The following RPF2 variants were observed in gnomAD, a reference collection of about 807,000 sequenced individuals.
RPF2 encodes the protein brix domain containing 1.
A neutral mutation model predicts 38.9 loss-of-function variants in RPF2; 21 were observed. That is an observed-to-expected ratio of 0.54 (90% CI 0.38 to 0.78). The LOEUF is 0.78. Ranked by LOEUF, RPF2 falls within the 30% of genes least tolerant of loss-of-function variation. RPF2 has a pLI of 0.00. For synonymous variants in RPF2, 121 were observed against 126.2 expected, an observed-to-expected ratio of 0.96 and a Z score of 0.28; for missense variants, 314 against 358.1, an observed-to-expected ratio of 0.88 and a Z score of 0.99.
chr6:110,997,899 C>CTTT, intron 5 of RPF2, among the ~76,000 whole-genome samples: 1 of 141,640 alleles, frequency 7.1e-6, no homozygotes, highest in Admixed American at 7.1e-5. Flanking sequence ...TTCTTTTCTT[C>CTTT]TTTTTTTTTT....
At chr6:111,011,554 GC>G (rs958200245) in intron 7 of RPF2, among the ~76,000 whole-genome samples, 21 of 152,036 alleles carry the variant, frequency 1.4e-4, no homozygotes, top group Non-Finnish European at 2.1e-4. Context: ...TCCCAAAAGT[GC>G]TGAGATTATA....
intron 2 of RPF2, among the ~76,000 whole-genome samples, chr6:110,987,310 C>T (rs947269288): frequency 1.3e-5 from 2 of 152,020 alleles, no homozygotes; most frequent in East Asian, 1.9e-4. Context: ...CTGTCCGCCT[C>T]GGCCTCCCAA....
At chr6:110,990,947 A>G (rs1440240683) in intron 3 of RPF2, among the ~76,000 whole-genome samples, 2 of 152,076 alleles carry the variant, frequency 1.3e-5, no homozygotes, top group African/African-American at 4.8e-5. Flanking sequence ...ACTTTCTAAC[A>G]TCACAAAATT....
Position 110,999,736 on chromosome 6 carries a change from G to A in RPF2, c.342G>A (p.Leu114=), listed in dbSNP as rs761684066. 1.2e-6 allele frequency: 2 copies of A among 1,603,696 alleles called. No homozygotes were observed. Among genetic ancestry groups the A allele is most frequent in the Non-Finnish European group, 1.7e-6 (2 of 1,170,668 alleles). Residue 114 remains leucine (L), a synonymous_variant, in exon 6 of 10, where the codon CTG becomes CTA. Transcript: ENST00000441448. ...VIGRMYDYHV[L]DMIELGIENF... Reference sequence around the variant, plus strand: ...GTCGTATGTATGACTACCATGTGCTGGATATGATTGAATTAGGTATTGAGA... The same window carrying A: ...GTCGTATGTATGACTACCATGTGCTAGATATGATTGAATTAGGTATTGAGA...
At chr6:110,985,328 T>G (rs1382827661) in intron 2 of RPF2, among the ~76,000 whole-genome samples, 190 bp downstream of exon 2, 1 of 152,200 alleles carries the variant, frequency 6.6e-6, no homozygotes, top group African/African-American at 2.4e-5. Flanking sequence ...ACTAGTTCTC[T>G]TAGTAAATTT....
chr6:110,986,859 G>A (rs888406901), intron 2 of RPF2, among the ~76,000 whole-genome samples: 14 of 151,518 alleles, frequency 9.2e-5, no homozygotes, highest in African/African-American at 3.4e-4. Context: ...GGCTGAGGCC[G>A]GAAAATCTGC....
intron 6 of RPF2, among the ~76,000 whole-genome samples, chr6:111,002,241 C>G (rs1014787321): frequency 2.0e-5 from 3 of 152,208 alleles, no homozygotes; most frequent in Middle Eastern, 3.2e-3. Context: ...GATCATGCCA[C>G]TGCACTCCAG....
At chr6:110,995,967 TC>T (rs1771704396) in intron 4 of RPF2, among the ~76,000 whole-genome samples, 1 of 151,724 alleles carries the variant, frequency 6.6e-6, no homozygotes, top group Non-Finnish European at 1.5e-5. Flanking sequence ...TAGATGCTCA[TC>T]ACCATACCCA....
At chr6:110,986,768 A>G (rs1771532351) in intron 2 of RPF2, among the ~76,000 whole-genome samples, 1 of 152,042 alleles carries the variant, frequency 6.6e-6, no homozygotes, top group African/African-American at 2.4e-5. Context: ...CCTGGCTAAC[A>G]CGGTGAAATC....
intron 3 of RPF2, among the ~76,000 whole-genome samples, chr6:110,989,357 A>G (rs960098710): frequency 1.3e-5 from 2 of 152,236 alleles, no homozygotes; most frequent in African/African-American, 4.8e-5. Flanking sequence ...CTAATGTTAC[A>G]TCTTGCATAA....
chr6:110,997,218 C>T lies in RPF2; in HGVS notation c.270C>T (p.Phe90=). The T allele has an allele frequency of 1.2e-6, 2 of 1,601,758 alleles. No individual in the cohort carries two copies. The highest frequency in any genetic ancestry group is 8.5e-7 in the Non-Finnish European group (1 of 1,170,300). ...CAAAGAAGTCAGATTGTTCTTTATT[C>T]ATGTTTGGCTCCCATAATAAGAAGC... ...FFSKKSDCSL[F]MFGSHNKKRP... Residue 90 remains phenylalanine (F), a synonymous_variant, in exon 5 of 10, where the codon TTC becomes TTT. Coordinates refer to ENST00000441448, the MANE Select transcript of RPF2 (RefSeq NM_032194.3).
rs1041742639 is a variant in RPF2 at position 110,982,135 on chromosome 6, T to C, written c.23+6T>C. ...GACACTCTGGATCGAGTAGTGTAAG[T>C]GCGCTGGGTCTCAGCCCCGGGGAGC... On this transcript the variant is annotated splice_donor_region_variant and intron_variant, in intron 1 of 9. Transcript: ENST00000441448. 1.2e-6 allele frequency: 2 copies of C among 1,614,064 alleles called. No homozygotes were observed. The highest frequency in any genetic ancestry group is 2.7e-5 in the African/African-American group (2 of 74,944).
At chr6:111,017,563 A>G (rs1204394983) in intron 8 of RPF2, among the ~76,000 whole-genome samples, 1 of 141,380 alleles carries the variant, frequency 7.1e-6, no homozygotes, top group African/African-American at 2.8e-5. Flanking sequence ...GACGCTCCTC[A>G]CCTCCCAGAT....
intron 6 of RPF2, among the ~76,000 whole-genome samples, chr6:111,003,234 T>C (rs1297649215): frequency 6.6e-6 from 1 of 152,178 alleles, no homozygotes; most frequent in Non-Finnish European, 1.5e-5. Context: ...GTGCTAGATA[T>C]TTCTTACCTC....
chr6:111,025,649 T>A lies in RPF2; in HGVS notation c.*67T>A. 1 of 1,151,754 alleles carries A rather than the reference T, an allele frequency of 8.7e-7. No homozygotes were observed. The highest frequency in any genetic ancestry group is 1.6e-5 in the South Asian group (1 of 62,454). 71.3% of individuals were successfully genotyped at this position (1,151,754 alleles called of 1,614,324 possible). A position where few individuals can be genotyped will look rare whatever the true frequency, so the allele number is the denominator to read the frequency against. Reference sequence around the variant, plus strand: ...AAGAGAATTATCAAGCGTCAATCCATTCAGAGTTTCTTATAAGATCTTATT... The same window carrying A: ...AAGAGAATTATCAAGCGTCAATCCAATCAGAGTTTCTTATAAGATCTTATT... On this transcript the variant is annotated 3_prime_UTR_variant, in exon 10 of 10. Transcript: ENST00000441448.
rs1176082413 is a variant in RPF2, at chr6:110,982,269, T to A, written c.23+140T>A. The A allele has an allele frequency of 6.4e-6, 6 of 932,518 alleles. No individual in the cohort carries two copies. In the African/African-American group the frequency reaches 6.5e-5, roughly 10 times the overall value. The allele number at this position is 932,518 out of a possible 1,614,324, so 57.8% of individuals were successfully genotyped here. On this transcript the variant is annotated intron_variant, in intron 1 of 9. Coordinates refer to ENST00000441448, the MANE Select transcript of RPF2 (RefSeq NM_032194.3). The stretch of plus-strand genomic sequence containing the variant: ...GGGGCCGATCGATCACCAGCCCGGG[T>A]CCTCCTCAGCGCGAGCTGCTTGCCA...
intron 8 of RPF2, among the ~76,000 whole-genome samples, chr6:111,022,164 G>T (rs1362318387): frequency 2.6e-5 from 4 of 152,176 alleles, no homozygotes; most frequent in African/African-American, 9.7e-5. Context: ...GCAAAACAAA[G>T]TGGTAGCATA....
intron 7 of RPF2, among the ~76,000 whole-genome samples, chr6:111,009,485 G>A (rs970521197): frequency 5.3e-5 from 8 of 151,852 alleles, no homozygotes; most frequent in African/African-American, 1.9e-4. Context: ...GAGCCACTGC[G>A]ACAGGCCCTG....
chr6:111,014,561 C>A (rs1291112684), intron 7 of RPF2, among the ~76,000 whole-genome samples: 1 of 152,212 alleles, frequency 6.6e-6, no homozygotes, highest in Non-Finnish European at 1.5e-5. Flanking sequence ...TAGGTGGCTA[C>A]AGAATGGGAC....
Sources: gnomAD v4.1 joint callset for allele counts (sites outside exome capture counted in the v4.1 genomes callset) on GRCh38, gnomAD v4.1.1 for gene constraint, MANE v1.5 for transcripts, NCBI Gene and HGNC (gene_info 2026-07-23, HGNC 2026-07-21) for gene names.